The following ITFG1 variants were observed in gnomAD, a reference collection of about 807,000 sequenced individuals.
The protein encoded by ITFG1 is integrin alpha FG-GAP repeat containing 1, also known as T-cell immunomodulatory protein.
In ITFG1, 34 loss-of-function variants were observed where a neutral mutation model predicts 81.8. That is an observed-to-expected ratio of 0.42 (90% CI 0.32 to 0.55). The LOEUF (loss-of-function observed/expected upper bound fraction) is 0.55. Among genes scored for constraint, ITFG1 ranks in the 20% least tolerant of loss-of-function variants. ITFG1 has a pLI of 0.17. For missense variants in ITFG1, 672 were observed against 755.4 expected, an observed-to-expected ratio of 0.89 and a Z score of 1.29; for synonymous variants, 285 against 270.6, an observed-to-expected ratio of 1.05 and a Z score of -0.52.
intron 10 of ITFG1, among the ~76,000 whole-genome samples, chr16:47,282,527 C>A (rs1435082991): frequency 6.6e-6 from 1 of 152,076 alleles, no homozygotes; most frequent in Non-Finnish European, 1.5e-5. Context: ...CATAGCTTTG[C>A]TACTATGAAT....
At chr16:47,214,966 G>A (rs1457845425) in intron 14 of ITFG1, among the ~76,000 whole-genome samples, 5 of 143,598 alleles carry the variant, frequency 3.5e-5, no homozygotes, top group Admixed American at 6.9e-5. Flanking sequence ...ACACACGCAC[G>A]CACAACTAAA....
intron 17 of ITFG1, chr16:47,157,679 T>G (rs965870600): frequency 6.6e-6 from 1 of 152,238 alleles, no homozygotes; most frequent in Non-Finnish European, 1.5e-5. Context: ...TTCATGTTAC[T>G]GTTTTTGATA....
intron 13 of ITFG1, among the ~76,000 whole-genome samples, chr16:47,231,750 AT>A (rs1965818863): frequency 6.6e-6 from 1 of 152,192 alleles, no homozygotes. Context: ...ATCTACATTA[AT>A]TCCTCTAATT....
chr16:47,456,923 A>G (rs1481983938), intron 2 of ITFG1, among the ~76,000 whole-genome samples: 1 of 152,158 alleles, frequency 6.6e-6, no homozygotes, highest in African/African-American at 2.4e-5. Context: ...AAAATGCAGG[A>G]TAGGTATATG....
At chr16:47,292,343 C>G (rs1966918394) in intron 10 of ITFG1, among the ~76,000 whole-genome samples, 1 of 152,066 alleles carries the variant, frequency 6.6e-6, no homozygotes, top group African/African-American at 2.4e-5. Flanking sequence ...TTTTCTGTGT[C>G]CCTATATTGA....
At chr16:47,199,823 C>T (rs1486786350) in intron 14 of ITFG1, among the ~76,000 whole-genome samples, 1 of 152,134 alleles carries the variant, frequency 6.6e-6, no homozygotes, top group African/African-American at 2.4e-5. Flanking sequence ...AGCTTGTTTT[C>T]CTACAACTAG....
intron 10 of ITFG1, among the ~76,000 whole-genome samples, chr16:47,273,990 C>T (rs1156374861): frequency 6.6e-6 from 1 of 152,148 alleles, no homozygotes; most frequent in Non-Finnish European, 1.5e-5. Context: ...GGCGTGGTGG[C>T]TCACGCCTGT....
intron 5 of ITFG1, among the ~76,000 whole-genome samples, chr16:47,446,787 C>T (rs1021926106): frequency 6.6e-6 from 1 of 151,998 alleles, no homozygotes; most frequent in African/African-American, 2.4e-5. Context: ...TTCATTTCAC[C>T]CTAAATTGAA....
intron 10 of ITFG1, among the ~76,000 whole-genome samples, chr16:47,281,665 G>T (rs1242858522): frequency 6.6e-6 from 1 of 152,030 alleles, no homozygotes; most frequent in East Asian, 1.9e-4. Context: ...ATGCATGGAG[G>T]GTTGTTCATT....
intron 17 of ITFG1, 76 bp from the exon 18 acceptor site, chr16:47,155,854 G>T: frequency 1.9e-6 from 2 of 1,039,720 alleles, no homozygotes; most frequent in South Asian, 1.4e-5. Flanking sequence ...AATACACAGT[G>T]ATTCATTTTT....
chr16:47,421,550 G>A (rs1422471088), intron 6 of ITFG1, among the ~76,000 whole-genome samples: 4 of 152,056 alleles, frequency 2.6e-5, no homozygotes, highest in African/African-American at 4.8e-5. Context: ...TGATCCGCCC[G>A]CCTTGGCCTC....
At position 47,218,879 on chromosome 16, in the gene ITFG1, T is replaced by C; in HGVS notation, c.1442A>G (p.Lys481Arg). Residue 481 changes from lysine to arginine, a missense_variant, in exon 14 of 18, where the codon AAA (lysine) becomes AGA (arginine). Transcript: ENST00000320640. ...YTTVDANGYL[K>R]NGSAGQLSQS... ...GTATCTGGTCTTACCTGATCCATTTTTCAGATACCCATTTGCATCTACAGT... is the reference window on the plus strand; with the variant it reads ...GTATCTGGTCTTACCTGATCCATTTCTCAGATACCCATTTGCATCTACAGT... The C allele has an allele frequency of 6.3e-7, 1 of 1,594,224 alleles. No homozygotes were observed. The highest frequency in any genetic ancestry group is 8.6e-7 in the Non-Finnish European group (1 of 1,167,746).
rs186307192 is a variant in ITFG1, at chr16:47,341,500, A to G, written c.802+24288T>C. Reference sequence around the variant, plus strand: ...CCAGATTTACAAGATCCACAAAGGCAGTACTTGGGGGCAATTCATAGCTTT... The same window carrying G: ...CCAGATTTACAAGATCCACAAAGGCGGTACTTGGGGGCAATTCATAGCTTT... On this transcript the variant is annotated intron_variant, in intron 8 of 17. Transcript: ENST00000320640. Among the ~76,000 whole-genome samples the G allele has an allele frequency of 2.7e-3, 416 of 151,788 alleles. 2 individuals carry two copies. Among genetic ancestry groups the G allele is most frequent in the Non-Finnish European group, 5.2e-3 (353 of 67,904 alleles).
At chr16:47,213,572 G>C (rs1488598257) in intron 14 of ITFG1, among the ~76,000 whole-genome samples, 1 of 152,130 alleles carries the variant, frequency 6.6e-6, no homozygotes, top group African/African-American at 2.4e-5. Flanking sequence ...ACATTTTGCA[G>C]CTCTGTTTTT....
intron 5 of ITFG1, among the ~76,000 whole-genome samples, chr16:47,445,301 GT>G (rs1969311119): frequency 6.7e-6 from 1 of 150,114 alleles, no homozygotes; most frequent in African/African-American, 2.5e-5. Flanking sequence ...ATATCTATGG[GT>G]TTTCACATCC....
chr16:47,336,360 C>T (rs1967703439), intron 8 of ITFG1, among the ~76,000 whole-genome samples: 1 of 152,134 alleles, frequency 6.6e-6, no homozygotes. Flanking sequence ...TTTTCCTTGC[C>T]CTTGTCCTGC....
Position 47,178,921 on chromosome 16 carries a change from T to C in ITFG1, c.1454-16257A>G, listed in dbSNP as rs550512976. 4.6e-5 allele frequency among the ~76,000 whole-genome samples: 7 copies of C among 152,258 alleles called. 1 individual carries two copies. The East Asian group carries it at 1.3e-3, about 29-fold the overall frequency. On this transcript the variant is annotated intron_variant, in intron 14 of 17. Coordinates refer to ENST00000320640, the MANE Select transcript of ITFG1 (RefSeq NM_030790.5). ...CCCATCAAAAAGTGGGCAAAGGATA[T>C]GAACAGACACTTCTCAAAAGAAGAC... is the stretch of plus-strand genomic sequence containing the variant.
Position 47,459,135 on chromosome 16 carries a change from G to C in ITFG1, c.249C>G (p.Pro83=), listed in dbSNP as rs1969488667. The C allele has an allele frequency of 6.2e-7, 1 of 1,600,646 alleles. No homozygotes were observed. Among genetic ancestry groups the C allele is most frequent in the Non-Finnish European group, 8.6e-7 (1 of 1,168,110 alleles). Residue 83 remains proline, a synonymous_variant, in exon 2 of 18, where the codon CCC becomes CCG. Transcript: ENST00000320640. ...LIVFLADQNA[P]YFKPKVKVSF... is the part of the protein sequence containing the mutation. ...ATACCTTTACTTTGGGTTTAAAATAGGGTGCATTCTGGTCTGCCAAAAAGA... is the reference window on the plus strand; with the variant it reads ...ATACCTTTACTTTGGGTTTAAAATACGGTGCATTCTGGTCTGCCAAAAAGA...
chr16:47,182,981 C>T (rs962236210), intron 14 of ITFG1, among the ~76,000 whole-genome samples: 1 of 152,188 alleles, frequency 6.6e-6, no homozygotes, highest in Non-Finnish European at 1.5e-5. Context: ...CAGGGAGTTC[C>T]CTTTCCTAGT....
Sources: allele counts gnomAD v4.1 joint callset (sites outside exome capture counted in the v4.1 genomes callset), GRCh38; gene constraint gnomAD v4.1.1; transcripts MANE v1.5; gene names NCBI Gene and HGNC (gene_info 2026-07-23, HGNC 2026-07-21).